Variants in THOP1 observed in about 807,000 individuals in gnomAD.
THOP1 encodes the protein thimet oligopeptidase 1.
In THOP1, 49 loss-of-function variants were observed where a neutral mutation model predicts 71.8. That is an observed-to-expected ratio of 0.68 (90% CI 0.54 to 0.87). The LOEUF (loss-of-function observed/expected upper bound fraction) is 0.87, where lower values mean the gene tolerates loss of function less well. Ranked by LOEUF, THOP1 falls within the 40% of genes least tolerant of loss-of-function variation. The probability of loss-of-function intolerance (pLI) is 0.00; values close to 1 mark genes in which losing one functional copy is unlikely to be tolerated. For synonymous variants in THOP1, 426 were observed against 421.5 expected, an observed-to-expected ratio of 1.01 and a Z score of -0.13; for missense variants, 843 against 975.6, an observed-to-expected ratio of 0.86 and a Z score of 1.81.
chr19:2,807,488 G>A lies in THOP1; in HGVS notation c.933G>A (p.Ala311=), dbSNP rs759198628. 1.3e-5 allele frequency: 21 copies of A among 1,609,482 alleles called. No homozygotes were observed. Among genetic ancestry groups the A allele is most frequent in the African/African-American group, 1.2e-4 (9 of 74,874 alleles). ...KLKPLGEQER[A]VILELKRAEC... ...AGCCCCTGGGGGAGCAGGAGCGTGC[G>A]GTGATTCTGGAGCTGAAGCGTGCGG... The change falls in exon 8 of 13, where the codon GCG becomes GCA. Residue 311 remains alanine (A), a synonymous_variant. Coordinates refer to ENST00000307741, the MANE Select transcript of THOP1 (RefSeq NM_003249.5).
rs72982712 is a variant in THOP1 at position 2,814,746 on chromosome 19, A to C, written c.*1470A>C. 1 of 152,480 alleles carries C rather than the reference A, an allele frequency of 6.6e-6. No individual in the cohort carries two copies. Among genetic ancestry groups the C allele is most frequent in the Non-Finnish European group, 1.5e-5 (1 of 68,168 alleles). The allele number at this position is 152,480 out of a possible 1,614,324, so 9.4% of individuals were successfully genotyped here. On this transcript the variant is annotated 3_prime_UTR_variant, in exon 13 of 13. Transcript: ENST00000307741. ...GAGGCGGGAATCCATAAGTGGGAAC[A>C]CCACAGTGGTCACGTTTCAGATACT... is the stretch of plus-strand genomic sequence containing the variant.
intron 2 of THOP1, among the ~76,000 whole-genome samples, chr19:2,791,113 G>T (rs1414173428): frequency 1.3e-5 from 2 of 152,232 alleles, no homozygotes; most frequent in African/African-American, 4.8e-5. Flanking sequence ...GCGCCCTCCG[G>T]CGGGGGTGAC....
In THOP1 at chr19:2,814,095, T is replaced by G. The variant is rs897532137; in HGVS notation, c.*819T>G. On this transcript the variant is annotated 3_prime_UTR_variant, in exon 13 of 13. Transcript: ENST00000307741. ...GCTGCTGGAAGCTCGGCCATGGCCC[T>G]CATCCTCATGGCCTTGGGGACTGCC... 1 of 152,408 alleles carries G rather than the reference T, an allele frequency of 6.6e-6. No homozygotes were observed. Among genetic ancestry groups the G allele is most frequent in the African/African-American group, 2.4e-5 (1 of 41,452 alleles). The allele number at this position is 152,408 out of a possible 1,614,324, so 9.4% of individuals were successfully genotyped here.
At chr19:2,790,948 A>G (rs1390334535) in intron 2 of THOP1, among the ~76,000 whole-genome samples, 1 of 152,198 alleles carries the variant, frequency 6.6e-6, no homozygotes, top group Middle Eastern at 3.2e-3. Flanking sequence ...AGAGCCGGAG[A>G]TGAGAAAATA....
At position 2,813,319 on chromosome 19, in the gene THOP1, G is replaced by A. The variant is rs757567737; in HGVS notation, c.*43G>A. 1.3e-5 allele frequency: 20 copies of A among 1,547,672 alleles called. No individual in the cohort carries two copies. Among genetic ancestry groups the A allele is most frequent in the Middle Eastern group, 2.2e-4 (1 of 4,516 alleles). ...GCCCAGTCTGGCCTGCGCTCCCGCC[G>A]CCCTGGTGCCTTAGCCCCCGGCACA... On this transcript the variant is annotated 3_prime_UTR_variant, in exon 13 of 13. Transcript: ENST00000307741.
Position 2,806,915 on chromosome 19 carries a change from A to C in THOP1, c.751-2A>C. 1 of 1,612,904 alleles carries C rather than the reference A, an allele frequency of 6.2e-7. No individual in the cohort carries two copies. The highest frequency in any genetic ancestry group is 8.5e-7 in the Non-Finnish European group (1 of 1,179,724). ...GTGACAGTGTGGTGGTGTCGGTTGCAGGAGAACTGCGCTATCCTCAAGGAG... is the reference window on the plus strand; with the variant it reads ...GTGACAGTGTGGTGGTGTCGGTTGCCGGAGAACTGCGCTATCCTCAAGGAG... On this transcript the variant is annotated splice_acceptor_variant, in intron 6 of 12. Coordinates refer to ENST00000307741, the MANE Select transcript of THOP1 (RefSeq NM_003249.5). LOFTEE classifies it high-confidence loss of function.
At chr19:2,807,377 G>T (rs1640274) in intron 7 of THOP1, 65 bp from the exon 8 acceptor site, 3 of 1,490,056 alleles carry the variant, frequency 2.0e-6, no homozygotes, top group Non-Finnish European at 8.9e-7. Context: ...GGCCGCGGGC[G>T]GGCGAGCCCA....
At chr19:2,790,780 C>T in intron 2 of THOP1, 147 bp downstream of exon 2, 3 of 693,838 alleles carry the variant, frequency 4.3e-6, no homozygotes, top group Admixed American at 3.6e-5. Flanking sequence ...GCAGCGCCAC[C>T]TGCTCCCAGG....
intron 5 of THOP1, among the ~76,000 whole-genome samples, chr19:2,803,833 C>G (rs1916217906): frequency 6.6e-6 from 1 of 152,136 alleles, no homozygotes; most frequent in African/African-American, 2.4e-5. Context: ...CCCAAAATTT[C>G]CCCCATCTGC....
intron 5 of THOP1, among the ~76,000 whole-genome samples, chr19:2,803,172 G>A (rs1324508922): frequency 6.6e-6 from 1 of 152,252 alleles, no homozygotes; most frequent in African/African-American, 2.4e-5. Flanking sequence ...TTTGAGTGGA[G>A]GGTGACTTAG....
At chr19:2,794,618 C>CGG in intron 2 of THOP1, 146 bp from the exon 3 acceptor site, 2 of 981,782 alleles carry the variant, frequency 2.0e-6, no homozygotes, top group Non-Finnish European at 1.5e-6. Context: ...GCGTGTGCCT[C>CGG]TAGTCCCAGC....
chr19:2,812,232 G>T (rs1198334953), intron 12 of THOP1: 3 of 1,531,888 alleles, frequency 2.0e-6, no homozygotes, highest in Admixed American at 4.0e-5. Context: ...GTTACGCCAT[G>T]TGAGCCTGTG....
intron 8 of THOP1, 191 bp downstream of exon 8, chr19:2,807,999 C>T: frequency 2.5e-6 from 2 of 801,574 alleles, no homozygotes; most frequent in African/African-American, 1.7e-5. Context: ...CAGTCTCACT[C>T]AGCCACCCCG....
intron 2 of THOP1, among the ~76,000 whole-genome samples, chr19:2,792,160 C>T (rs1915899920): frequency 6.6e-6 from 1 of 152,226 alleles, no homozygotes; most frequent in Non-Finnish European, 1.5e-5. Context: ...CCCGAGAGGA[C>T]AGAGCTGATT....
intron 12 of THOP1, among the ~76,000 whole-genome samples, chr19:2,812,876 C>T (rs1916515203): frequency 6.6e-6 from 1 of 152,186 alleles, no homozygotes; most frequent in Non-Finnish European, 1.5e-5. Flanking sequence ...GGAGCCACCT[C>T]GGGAGTTTGG....
intron 2 of THOP1, among the ~76,000 whole-genome samples, chr19:2,794,333 GC>G (rs1915959210): frequency 6.6e-6 from 1 of 152,124 alleles, no homozygotes; most frequent in Non-Finnish European, 1.5e-5. Flanking sequence ...TGCTTTTCTA[GC>G]CACTGACACT....
At chr19:2,800,420 G>T (rs1916119068) in intron 5 of THOP1, among the ~76,000 whole-genome samples, 1 of 152,212 alleles carries the variant, frequency 6.6e-6, no homozygotes, top group Admixed American at 6.5e-5. Context: ...CTGGGCTCAG[G>T]ATCTGCCTGC....
chr19:2,795,751 A>C (rs1223868569), intron 3 of THOP1, among the ~76,000 whole-genome samples: 1 of 152,200 alleles, frequency 6.6e-6, no homozygotes, highest in African/African-American at 2.4e-5. Flanking sequence ...AACTTTGCCC[A>C]GGTCCCCAGT....
chr19:2,794,845 A>T lies in THOP1; in HGVS notation c.311A>T (p.Lys104Met), dbSNP rs1457347045. ...IRTASTEADK[K>M]LSEFDVEMSM... ...ACAGCCAGCACAGAGGCCGACAAGAAGCTCTCTGAGTTCGACGTGGAGATG... is the reference window on the plus strand; with the variant it reads ...ACAGCCAGCACAGAGGCCGACAAGATGCTCTCTGAGTTCGACGTGGAGATG... Residue 104 changes from lysine (K) to methionine (M), a missense_variant, in exon 3 of 13, where the codon AAG becomes ATG. Lys to Met is a moderately conservative substitution (Grantham distance 95). Coordinates refer to ENST00000307741, the MANE Select transcript of THOP1 (RefSeq NM_003249.5). 6.2e-7 allele frequency: 1 copy of T among 1,613,998 alleles called. No individual in the cohort carries two copies. Among genetic ancestry groups the T allele is most frequent in the East Asian group, 2.2e-5 (1 of 44,884 alleles).
Sources: allele counts gnomAD v4.1 joint callset (sites outside exome capture counted in the v4.1 genomes callset), GRCh38; gene constraint gnomAD v4.1.1; transcripts MANE v1.5; gene names NCBI Gene and HGNC (gene_info 2026-07-23, HGNC 2026-07-21).